The following AGBL1 variants were observed in gnomAD, a reference collection of about 807,000 sequenced individuals.
The protein encoded by AGBL1 is cytosolic carboxypeptidase 4.
In AGBL1, 130 loss-of-function variants were observed where a neutral mutation model predicts 118.9. That is an observed-to-expected ratio of 1.09 (90% CI 0.95 to 1.26). The LOEUF is 1.26. Among genes scored for constraint, AGBL1 ranks in the 50% most tolerant of loss-of-function variants. The probability of loss-of-function intolerance (pLI) is 0.00; values close to 1 mark genes in which losing one functional copy is unlikely to be tolerated. For missense variants in AGBL1, 1,584 were observed against 1,298.1 expected, an observed-to-expected ratio of 1.22 and a Z score of -3.38; for synonymous variants, 555 against 478.9, an observed-to-expected ratio of 1.16 and a Z score of -2.08.
At chr15:86,646,898 A>G (rs911761498) in intron 21 of AGBL1, among the ~76,000 whole-genome samples, 1 of 152,222 alleles carries the variant, frequency 6.6e-6, no homozygotes, top group African/African-American at 2.4e-5. Flanking sequence ...TTTAAAAATC[A>G]ACACTTAATT....
At position 86,582,734 on chromosome 15, in the gene AGBL1, T is replaced by C. The variant is rs559598073; in HGVS notation, c.2994+28197T>C. On this transcript the variant is annotated intron_variant, in intron 21 of 22. Transcript: ENST00000614907. ...TAGGGACATGGATGAAGCTGGAAAC[T>C]ATCATTCTCAGCAAACTATCGCAAG... 4.6e-5 allele frequency among the ~76,000 whole-genome samples: 7 copies of C among 152,102 alleles called. No homozygotes were observed. The East Asian group carries it at 7.8e-4, about 17-fold the overall frequency.
chr15:86,598,920 G>A (rs1182494716), intron 21 of AGBL1, among the ~76,000 whole-genome samples: 1 of 152,124 alleles, frequency 6.6e-6, no homozygotes, highest in Non-Finnish European at 1.5e-5. Context: ...ACCTGAGAAA[G>A]CAGTGGGCTA....
intron 21 of AGBL1, among the ~76,000 whole-genome samples, chr15:86,653,691 C>T (rs369341153): frequency 5.3e-5 from 8 of 152,132 alleles, no homozygotes; most frequent in East Asian, 1.9e-4. Context: ...AAATGGAAGA[C>T]ATACAAGCCA....
At chr15:86,348,958 T>C (rs560178141) in intron 17 of AGBL1, among the ~76,000 whole-genome samples, 2 of 152,164 alleles carry the variant, frequency 1.3e-5, no homozygotes, top group East Asian at 3.9e-4. Flanking sequence ...TTATACTGGA[T>C]CAGGGTGGGC....
chr15:86,610,315 C>T (rs1222061626), intron 21 of AGBL1, among the ~76,000 whole-genome samples: 1 of 152,144 alleles, frequency 6.6e-6, no homozygotes, highest in Non-Finnish European at 1.5e-5. Context: ...TTAGTCAACC[C>T]AGTGGTTCTT....
Position 86,433,087 on chromosome 15 carries a change from C to T in AGBL1, c.2555+35541C>T, listed in dbSNP as rs150507327. On this transcript the variant is annotated intron_variant, in intron 18 of 22. Coordinates refer to ENST00000614907, the MANE Select transcript of AGBL1 (RefSeq NM_001386094.1). ...TCAAGCCAGGGCAAGTCTGATAGGC[C>T]GGAGCAGGGTGGATGCAGGAGCCAA... 9.8e-3 allele frequency among the ~76,000 whole-genome samples: 1,486 copies of T among 152,094 alleles called. 27 individuals carry two copies. The highest frequency in any genetic ancestry group is 0.034 in the African/African-American group (1,397 of 41,494).
intron 22 of AGBL1, among the ~76,000 whole-genome samples, chr15:86,677,656 G>C (rs1490780028): frequency 6.6e-6 from 1 of 152,144 alleles, no homozygotes; most frequent in Non-Finnish European, 1.5e-5. Context: ...CAGAGCTTCA[G>C]AGCTGTGCCT....
chr15:86,474,813 G>C (rs933062965), intron 18 of AGBL1, among the ~76,000 whole-genome samples: 1 of 152,310 alleles, frequency 6.6e-6, no homozygotes, highest in African/African-American at 2.4e-5. Context: ...AGCCTAACTG[G>C]GAGGCACCCC....
rs556741757 is a variant in AGBL1, at chr15:86,662,431, AGTG to A, written c.2995-11839_2995-11837del. On this transcript the variant is annotated intron_variant, in intron 21 of 22. Transcript: ENST00000614907. ...ACTTGAAGAGCTTATGTAACTCAAAAGTGGTCATTTGGACAGAAAGTTGGGATT... is the reference window on the plus strand; with the variant it reads ...ACTTGAAGAGCTTATGTAACTCAAAAGTCATTTGGACAGAAAGTTGGGATT... 1.4e-4 allele frequency among the ~76,000 whole-genome samples: 22 copies of A among 152,358 alleles called. 1 individual carries two copies. The South Asian group carries it at 4.6e-3, about 32-fold the overall frequency.
At chr15:86,752,472 T>G (rs1416614826) in intron 22 of AGBL1, among the ~76,000 whole-genome samples, 1 of 151,964 alleles carries the variant, frequency 6.6e-6, no homozygotes, top group East Asian at 1.9e-4. Context: ...AGGTAATGAG[T>G]TTGAGTCTAG....
At chr15:86,924,209 C>T (rs539795532) in intron 23 of AGBL1, among the ~76,000 whole-genome samples, 2 of 152,308 alleles carry the variant, frequency 1.3e-5, no homozygotes, top group Admixed American at 6.5e-5. Flanking sequence ...ATGTTTGCAT[C>T]ACGATAGATT....
chr15:86,490,745 G>T (rs1051474125), intron 18 of AGBL1, among the ~76,000 whole-genome samples: 1 of 152,096 alleles, frequency 6.6e-6, no homozygotes, highest in Non-Finnish European at 1.5e-5. Flanking sequence ...TGCAAATAAA[G>T]AGAATACTGA....
chr15:86,151,471 T>C (rs1463931253), intron 3 of AGBL1, among the ~76,000 whole-genome samples: 1 of 151,896 alleles, frequency 6.6e-6, no homozygotes, highest in East Asian at 1.9e-4. Context: ...TTCAACAAAA[T>C]TCAGCCCTTC....
At chr15:86,194,204 G>A (rs764465798) in intron 5 of AGBL1, among the ~76,000 whole-genome samples, 1 of 152,120 alleles carries the variant, frequency 6.6e-6, no homozygotes, top group African/African-American at 2.4e-5. Flanking sequence ...GTTTGGCTGG[G>A]CTGCTCTATA....
chr15:86,352,696 G>C (rs528146162), intron 17 of AGBL1, among the ~76,000 whole-genome samples: 4 of 152,166 alleles, frequency 2.6e-5, no homozygotes, highest in African/African-American at 9.6e-5. Context: ...TGGCCAGGCT[G>C]GTCTCGAACT....
At chr15:86,601,632 C>A (rs1446810223) in intron 21 of AGBL1, among the ~76,000 whole-genome samples, 1 of 152,072 alleles carries the variant, frequency 6.6e-6, no homozygotes, top group African/African-American at 2.4e-5. Context: ...CCAATTAAGA[C>A]TTAAGAAGAA....
intron 22 of AGBL1, among the ~76,000 whole-genome samples, chr15:86,826,156 A>G (rs2079010947): frequency 6.6e-6 from 1 of 152,152 alleles, no homozygotes; most frequent in South Asian, 2.1e-4. Flanking sequence ...GAAAAGTTAA[A>G]ATCTTCAGAG....
rs753176939 is a variant in AGBL1, at chr15:86,554,407, G to A, written c.2864G>A (p.Ser955Asn). The stretch of plus-strand genomic sequence containing the variant: ...AAGCTAGCACCAGCATTCACAATGA[G>A]CAGCTGCAGCTTTCTCGTGGAGAAA... ...LDKLAPAFTM[S>N]SCSFLVEKSR... Residue 955 changes from serine to asparagine, a missense_variant, in exon 21 of 23, where the codon AGC (serine) becomes AAC (asparagine). Coordinates refer to ENST00000614907, the MANE Select transcript of AGBL1 (RefSeq NM_001386094.1). 2.5e-6 allele frequency: 4 copies of A among 1,587,362 alleles called. No individual in the cohort carries two copies. Among genetic ancestry groups the A allele is most frequent in the Non-Finnish European group, 3.4e-6 (4 of 1,166,606 alleles).
At chr15:86,354,853 C>A (rs1168382838) in intron 17 of AGBL1, among the ~76,000 whole-genome samples, 1 of 152,090 alleles carries the variant, frequency 6.6e-6, no homozygotes. Context: ...AAAACAGAGA[C>A]CATTTTGTGG....
Sources: allele counts gnomAD v4.1 joint callset (sites outside exome capture counted in the v4.1 genomes callset), GRCh38; gene constraint gnomAD v4.1.1; transcripts MANE v1.5; gene names NCBI Gene and HGNC (gene_info 2026-07-23, HGNC 2026-07-21).